PRIM2: variants seen among roughly 807,000 people sequenced by gnomAD.
PRIM2 encodes DNA primase large subunit.
Under a neutral mutation model 67.3 loss-of-function variants are expected in PRIM2, and 39 were observed. The ratio of observed to expected loss-of-function variants is 0.58; its 90% CI spans 0.45 to 0.76. The LOEUF (loss-of-function observed/expected upper bound fraction) is 0.76, where lower values mean the gene tolerates loss of function less well. Among genes scored for constraint, PRIM2 ranks in the 30% least tolerant of loss-of-function variants. The probability of loss-of-function intolerance (pLI) is 0.00; values close to 1 mark genes in which losing one functional copy is unlikely to be tolerated. For synonymous variants in PRIM2, 143 were observed against 198.7 expected (o/e 0.72, Z 2.36); for missense variants, 398 against 598.7 (o/e 0.66, Z 3.50).
At chr6:57,513,581 A>G (rs1362792611) in intron 8 of PRIM2, among the ~76,000 whole-genome samples, 2 of 152,126 alleles carry the variant, frequency 1.3e-5, no homozygotes, top group Non-Finnish European at 2.9e-5. Context: ...GGGACAGCAT[A>G]TTATAAGTCA....
chr6:57,435,594 C>T (rs1018600611), intron 7 of PRIM2, among the ~76,000 whole-genome samples: 1 of 152,216 alleles, frequency 6.6e-6, no homozygotes, highest in African/African-American at 2.4e-5. Flanking sequence ...GTTGAAGGGA[C>T]TGAAGAATTT....
At chr6:57,308,676 T>G in the PRIM2 span, among the ~76,000 whole-genome samples, 3 of 152,186 alleles carry the variant, frequency 2.0e-5, no homozygotes, top group Non-Finnish European at 4.4e-5. Flanking sequence ...ACACGCAATA[T>G]TTTCAAACTT....
At chr6:57,484,564 A>G (rs1773710826) in intron 7 of PRIM2, among the ~76,000 whole-genome samples, 1 of 152,112 alleles carries the variant, frequency 6.6e-6, no homozygotes, top group Non-Finnish European at 1.5e-5. Flanking sequence ...ATTTTTTAAA[A>G]CTAGGATTTC....
chr6:57,575,405 G>A (rs1402680261), intron 10 of PRIM2, among the ~76,000 whole-genome samples: 4 of 152,252 alleles, frequency 2.6e-5, no homozygotes, highest in East Asian at 1.9e-4. Context: ...AATACATTGC[G>A]ACAAGCTATT....
chr6:57,549,716 T>C (rs1775362143), intron 10 of PRIM2, among the ~76,000 whole-genome samples: 1 of 152,240 alleles, frequency 6.6e-6, no homozygotes, highest in African/African-American at 2.4e-5. Flanking sequence ...TTGCCTATGT[T>C]TTGGTTTTTC....
intron 7 of PRIM2, among the ~76,000 whole-genome samples, chr6:57,409,902 A>G (rs1298090162): frequency 2.0e-5 from 3 of 152,168 alleles, no homozygotes; most frequent in African/African-American, 7.2e-5. Context: ...TTCCTGTATT[A>G]TCTTTTTGAA....
chr6:57,414,707 C>T (rs1771201727), intron 7 of PRIM2, among the ~76,000 whole-genome samples: 2 of 152,208 alleles, frequency 1.3e-5, no homozygotes, highest in Non-Finnish European at 1.5e-5. Flanking sequence ...TGTTTATTGC[C>T]TATCAGCCTG....
intron 7 of PRIM2, among the ~76,000 whole-genome samples, chr6:57,464,285 CT>C (rs1773111065): frequency 1.3e-5 from 2 of 151,712 alleles, no homozygotes; most frequent in Admixed American, 6.6e-5. Context: ...TTTTCCTTTT[CT>C]TTTCCCCCCG....
At chr6:57,581,299 T>C (rs1232007587) in intron 10 of PRIM2, among the ~76,000 whole-genome samples, 2 of 152,136 alleles carry the variant, frequency 1.3e-5, no homozygotes, top group Non-Finnish European at 2.9e-5. Flanking sequence ...TTGTTTTATG[T>C]TGGCTCCTTT....
rs1215443515 is a variant in PRIM2, at chr6:57,426,754, C to T, written c.693+44586C>T. On this transcript the variant is annotated intron_variant, in intron 7 of 13. Transcript: ENST00000615550. ...TAGAATCAAATGAAATGTTTCTCAA[C>T]AGGTGATTAGATAAATACATTTTGA... 2.6e-5 allele frequency among the ~76,000 whole-genome samples: 4 copies of T among 152,176 alleles called. No individual in the cohort carries two copies. In the East Asian group the frequency reaches 7.7e-4, roughly 29 times the overall value.
intron 5 of PRIM2, among the ~76,000 whole-genome samples, chr6:57,351,488 T>C (rs1383818876): frequency 6.6e-6 from 1 of 152,134 alleles, no homozygotes; most frequent in African/African-American, 2.4e-5. Context: ...TGAACTATAT[T>C]AGTAGCTGTG....
chr6:57,373,002 G>A (rs1394174834), intron 5 of PRIM2, among the ~76,000 whole-genome samples: 1 of 152,162 alleles, frequency 6.6e-6, no homozygotes, highest in Non-Finnish European at 1.5e-5. Flanking sequence ...TGGCTTCAAT[G>A]ATATTTCTGC....
chr6:57,325,694 T>C (rs1767827354), intron 4 of PRIM2, among the ~76,000 whole-genome samples: 1 of 152,226 alleles, frequency 6.6e-6, no homozygotes, highest in African/African-American at 2.4e-5. Flanking sequence ...AGCATTCTTG[T>C]ATTTAATCTT....
intron 7 of PRIM2, among the ~76,000 whole-genome samples, chr6:57,494,122 C>T (rs1773954304): frequency 6.6e-6 from 1 of 152,156 alleles, no homozygotes; most frequent in Non-Finnish European, 1.5e-5. Context: ...GCTTACTTTA[C>T]CCCAACTCTT....
intron 5 of PRIM2, among the ~76,000 whole-genome samples, chr6:57,342,212 C>G (rs1486537158): frequency 3.3e-5 from 5 of 152,014 alleles, no homozygotes; most frequent in Admixed American, 1.3e-4. Context: ...GTATAGGAAG[C>G]CTTAATATGA....
At chr6:57,240,458 T>C in the PRIM2 span, among the ~76,000 whole-genome samples, 1 of 152,090 alleles carries the variant, frequency 6.6e-6, no homozygotes, top group Non-Finnish European at 1.5e-5. Flanking sequence ...CACGAGCAGC[T>C]TGCATTCAGG....
At chr6:57,301,031 G>A in the PRIM2 span, among the ~76,000 whole-genome samples, 1 of 152,184 alleles carries the variant, frequency 6.6e-6, no homozygotes, top group Non-Finnish European at 1.5e-5. Flanking sequence ...AGTAAGATCT[G>A]ACGGTCCTAA....
the PRIM2 span, among the ~76,000 whole-genome samples, chr6:57,255,714 G>A: frequency 1.3e-5 from 2 of 151,372 alleles, no homozygotes; most frequent in Non-Finnish European, 2.9e-5. Flanking sequence ...AGAAATTCGT[G>A]AACTTGTAAA....
intron 5 of PRIM2, among the ~76,000 whole-genome samples, chr6:57,361,249 C>T (rs1769190539): frequency 6.6e-6 from 1 of 152,148 alleles, no homozygotes; most frequent in Non-Finnish European, 1.5e-5. Context: ...AGTGTTACAG[C>T]ACTTATAAAC....
Sources: gnomAD v4.1 joint callset for allele counts (sites outside exome capture counted in the v4.1 genomes callset) on GRCh38, gnomAD v4.1.1 for gene constraint, MANE v1.5 for transcripts, NCBI Gene and HGNC (gene_info 2026-07-23, HGNC 2026-07-21) for gene names.